FASTKD2: variants seen among roughly 807,000 people sequenced by gnomAD.
FASTKD2 encodes FAST kinase domains 2.
A neutral mutation model predicts 63.6 loss-of-function variants in FASTKD2; 51 were observed. The ratio of observed to expected loss-of-function variants is 0.80; its 90% CI spans 0.64 to 1.01. The LOEUF is 1.01. Among genes scored for constraint, FASTKD2 ranks in the 50% least tolerant of loss-of-function variants. The pLI, the probability that FASTKD2 is intolerant of heterozygous loss-of-function variation, is 0.00. For synonymous variants in FASTKD2, 284 were observed against 293.4 expected (o/e 0.97, Z 0.33); for missense variants, 786 against 831.1 (o/e 0.95, Z 0.67).
chr2:206,780,446 C>T (rs1430116364), intron 7 of FASTKD2, among the ~76,000 whole-genome samples: 1 of 152,208 alleles, frequency 6.6e-6, no homozygotes, highest in Admixed American at 6.5e-5. Flanking sequence ...TGCAAAGTTT[C>T]TGCTAAGAAG....
intron 7 of FASTKD2, among the ~76,000 whole-genome samples, chr2:206,780,987 A>G (rs1689956635): frequency 6.6e-6 from 1 of 151,574 alleles, no homozygotes; most frequent in South Asian, 2.1e-4. Flanking sequence ...CTTTGTTGAT[A>G]CTCTTATTTT....
At chr2:206,777,540 A>G (rs906428829) in intron 7 of FASTKD2, among the ~76,000 whole-genome samples, 3 of 152,036 alleles carry the variant, frequency 2.0e-5, no homozygotes, top group Admixed American at 1.3e-4. Flanking sequence ...TTCATGGTGT[A>G]TGATCCTTCT....
chr2:206,770,385 A>G (rs1689639244), intron 3 of FASTKD2, among the ~76,000 whole-genome samples, 191 bp downstream of exon 3: 1 of 152,136 alleles, frequency 6.6e-6, no homozygotes, highest in East Asian at 1.9e-4. Flanking sequence ...GGCTGGAAAT[A>G]CTTCTCTTAG....
At position 206,788,082 on chromosome 2, in the gene FASTKD2, G is replaced by A. The variant is rs367963995; in HGVS notation, c.1740G>A (p.Glu580=). The change falls in exon 9 of 12, where the codon GAG becomes GAA. Residue 580 remains glutamate, a synonymous_variant. Transcript: ENST00000402774. ...PSSHTNAKVA[E]VLSSLLGGEG... is the part of the protein sequence containing the mutation. Reference sequence around the variant, plus strand: ...CACATACAAATGCAAAGGTGGCAGAGGTGCTGAGCAGCCTTCTGGGAGGTG... The same window carrying A: ...CACATACAAATGCAAAGGTGGCAGAAGTGCTGAGCAGCCTTCTGGGAGGTG... 43 of 1,613,652 alleles carry A rather than the reference G, an allele frequency of 2.7e-5. No homozygotes were observed. Among genetic ancestry groups the A allele is most frequent in the Non-Finnish European group, 5.9e-6 (7 of 1,179,830 alleles).
At chr2:206,779,086 A>G (rs1176407702) in intron 7 of FASTKD2, among the ~76,000 whole-genome samples, 1 of 152,088 alleles carries the variant, frequency 6.6e-6, no homozygotes, top group African/African-American at 2.4e-5. Context: ...CTCCCTTCAG[A>G]TCTGTTATAT....
At chr2:206,786,632 A>T in intron 7 of FASTKD2, 101 bp from the exon 8 acceptor site, 1 of 979,214 alleles carries the variant, frequency 1.0e-6, no homozygotes, top group Non-Finnish European at 1.7e-6. Flanking sequence ...ATGTGTGGAT[A>T]CTTACTTGCA....
Position 206,788,152 on chromosome 2 carries a change from A to G in FASTKD2, c.1810A>G (p.Ile604Val). The stretch of plus-strand genomic sequence containing the variant: ...TGTGCACTTGCCACACAATTATCAT[A>G]TTGGTATGGGACATTATATGATTTC... ...KDVHLPHNYH[I>V]DFEIRMDTNR... Residue 604 changes from isoleucine (I) to valine (V), a missense_variant, in exon 9 of 12, where the codon ATT becomes GTT. Coordinates refer to ENST00000402774, the MANE Select transcript of FASTKD2 (RefSeq NM_001136193.2). 3 of 1,576,476 alleles carry G rather than the reference A, an allele frequency of 1.9e-6. No individual in the cohort carries two copies.
chr2:206,769,457 T>G (rs994250438), intron 2 of FASTKD2, among the ~76,000 whole-genome samples: 1 of 152,244 alleles, frequency 6.6e-6, no homozygotes, highest in African/African-American at 2.4e-5. Flanking sequence ...GTGTTGTTAC[T>G]ATTCACTTTC....
intron 10 of FASTKD2, chr2:206,790,357 C>G (rs1289639694): frequency 2.1e-6 from 1 of 482,108 alleles, no homozygotes; most frequent in Middle Eastern, 5.8e-4. Context: ...TGAGAGGTAA[C>G]TGTGTATAAT....
At chr2:206,788,569 C>T (rs1188251620) in intron 9 of FASTKD2, among the ~76,000 whole-genome samples, 3 of 151,434 alleles carry the variant, frequency 2.0e-5, no homozygotes, top group East Asian at 1.9e-4. Flanking sequence ...CCTGTCTCTA[C>T]CAAAAAAATA....
At chr2:206,780,385 C>G (rs533203896) in intron 7 of FASTKD2, among the ~76,000 whole-genome samples, 1 of 152,244 alleles carries the variant, frequency 6.6e-6, no homozygotes, top group East Asian at 1.9e-4. Flanking sequence ...TATTGGTTGG[C>G]AATTTTTCTT....
chr2:206,774,216 CTTT>C lies in FASTKD2; in HGVS notation c.1255-6_1255-4del. ...TTATAGAGTTTTCCCTCAATTTTCT[CTTT>C]TTAAGGTTCTTTTTATCCTCATTTT... On this transcript the variant is annotated splice_polypyrimidine_tract_variant and splice_region_variant and intron_variant, in intron 6 of 11. Coordinates refer to ENST00000402774, the MANE Select transcript of FASTKD2 (RefSeq NM_001136193.2). The C allele has an allele frequency of 6.3e-7, 1 of 1,596,226 alleles. No homozygotes were observed. The highest frequency in any genetic ancestry group is 8.6e-7 in the Non-Finnish European group (1 of 1,166,678).
chr2:206,770,199 G>C lies in FASTKD2; in HGVS notation c.881+5G>C. 1 of 1,535,564 alleles carries C rather than the reference G, an allele frequency of 6.5e-7. No homozygotes were observed. Among genetic ancestry groups the C allele is most frequent in the East Asian group, 2.2e-5 (1 of 44,502 alleles). On this transcript the variant is annotated splice_donor_5th_base_variant and intron_variant, in intron 3 of 11. Transcript: ENST00000402774. ...TGTTCTACGAACGGGATTCAGGTGA[G>C]AACTCTCTTATGCTTTCTTCATGTG...
Position 206,771,881 on chromosome 2 carries a change from GT to G in FASTKD2, c.991-7del. 1 of 1,574,104 alleles carries G rather than the reference GT, an allele frequency of 6.4e-7. No homozygotes were observed. Among genetic ancestry groups the G allele is most frequent in the Non-Finnish European group, 8.7e-7 (1 of 1,143,916 alleles). On this transcript the variant is annotated splice_polypyrimidine_tract_variant and intron_variant, in intron 4 of 11. Coordinates refer to ENST00000402774, the MANE Select transcript of FASTKD2 (RefSeq NM_001136193.2). ...CAGATAGTAAATTAAATTAAAATTT[GT>G]TTTTTCTTTAGATGAAAGCCTTGAG...
Position 206,790,680 on chromosome 2 carries a change from G to A in FASTKD2, c.2007G>A (p.Val669=), listed in dbSNP as rs761776754. ...ATTTGAATGCAATGGGTTTTCATGT[G>A]ATCTTGGTGAGAAAAAAATGCAAAT... ...MRHLNAMGFH[V]ILVNNWEMDK... Residue 669 remains valine, a synonymous_variant, in exon 11 of 12, where the codon GTG becomes GTA. Coordinates refer to ENST00000402774, the MANE Select transcript of FASTKD2 (RefSeq NM_001136193.2). The A allele has an allele frequency of 1.9e-5, 30 of 1,569,526 alleles. No homozygotes were observed. In the Admixed American group the frequency reaches 5.0e-4, roughly 26 times the overall value.
chr2:206,781,251 CTT>C (rs1323487633), intron 7 of FASTKD2, among the ~76,000 whole-genome samples: 1 of 144,588 alleles, frequency 6.9e-6, no homozygotes, highest in East Asian at 2.1e-4. Flanking sequence ...GGGAAAGACT[CTT>C]ATTAATCAGC....
chr2:206,789,715 C>G (rs965763595), intron 10 of FASTKD2: 2 of 152,238 alleles, frequency 1.3e-5, no homozygotes, highest in Non-Finnish European at 2.9e-5. Context: ...CTGAATGCAT[C>G]TAGCTTATTT....
At chr2:206,790,537 A>G (rs780959017) in intron 10 of FASTKD2, 35 bp from the exon 11 acceptor site, 24 of 1,237,662 alleles carry the variant, frequency 1.9e-5, no homozygotes, top group Admixed American at 3.4e-5. Flanking sequence ...AGTAATATCA[A>G]TAACTGTTCT....
intron 7 of FASTKD2, among the ~76,000 whole-genome samples, chr2:206,783,642 C>T (rs1401601151): frequency 6.6e-6 from 1 of 151,894 alleles, no homozygotes; most frequent in East Asian, 1.9e-4. Flanking sequence ...CTCCAGGCAA[C>T]CTGAGAGATA....
Sources: allele counts gnomAD v4.1 joint callset (sites outside exome capture counted in the v4.1 genomes callset), GRCh38; gene constraint gnomAD v4.1.1; transcripts MANE v1.5; gene names NCBI Gene and HGNC (gene_info 2026-07-23, HGNC 2026-07-21).